COL6A5: variants seen among roughly 807,000 people sequenced by gnomAD.
The protein encoded by COL6A5 is collagen alpha-5(VI) chain.
A neutral mutation model predicts 65.6 loss-of-function variants in COL6A5; 48 were observed. The observed-to-expected ratio is 0.73, with a 90% CI of 0.58 to 0.93. The LOEUF is 0.93. COL6A5 is among the 40% of genes least tolerant of loss of function. The pLI, the probability that COL6A5 is intolerant of heterozygous loss-of-function variation, is 0.00. For missense variants in COL6A5, 914 were observed against 928.3 expected (o/e 0.98, Z 0.20); for synonymous variants, 291 against 322.8 (o/e 0.90, Z 1.05).
chr3:130,347,164 C>G (rs539738500), intron 1 of COL6A5, among the ~76,000 whole-genome samples: 1 of 152,260 alleles, frequency 6.6e-6, no homozygotes, highest in East Asian at 1.9e-4. Context: ...CTTGGAGACT[C>G]TGGAGCAAAT....
intron 5 of COL6A5, among the ~76,000 whole-genome samples, chr3:130,456,297 G>A (rs1248083462): frequency 2.6e-5 from 4 of 152,028 alleles, no homozygotes; most frequent in African/African-American, 9.7e-5. Context: ...AGATACAAAG[G>A]AGTATGTCTA....
intron 7 of COL6A5, among the ~76,000 whole-genome samples, chr3:130,480,244 G>C (rs1275354049): frequency 1.3e-5 from 2 of 151,820 alleles, no homozygotes; most frequent in African/African-American, 2.4e-5. Context: ...TTTACTTTTT[G>C]TCTTAATAGA....
At chr3:130,418,731 GC>G (rs774761294) in intron 24 of COL6A5, 137 bp from the exon 25 acceptor site, 36 of 680,544 alleles carry the variant, frequency 5.3e-5, no homozygotes, top group Non-Finnish European at 9.4e-5. Flanking sequence ...CATAATTTGT[GC>G]CCTACACTCA....
At chr3:130,389,624 A>T (rs1457199833) in intron 6 of COL6A5, among the ~76,000 whole-genome samples, 1 of 151,716 alleles carries the variant, frequency 6.6e-6, no homozygotes, top group Non-Finnish European at 1.5e-5. Context: ...TCACATTATT[A>T]TTCTTAACCT....
At chr3:130,376,090 T>A (rs1181772057) in intron 2 of COL6A5, 147 bp from the exon 3 acceptor site, 1 of 723,942 alleles carries the variant, frequency 1.4e-6, no homozygotes, top group Non-Finnish European at 2.0e-6. Context: ...GGCAATTATA[T>A]TTTCTTCTGT....
At position 130,449,618 on chromosome 3, in the gene COL6A5, A is replaced by C. The variant is rs2403339; in HGVS notation, c.1333-5837A>C. ...AACAGAAACATCAGCACCAGTATCT[A>C]CTAGGCCCTCAGACTTTTTTCCTCG... On this transcript the variant is annotated intron_variant, in intron 4 of 7. Transcript: ENST00000512836. Among the ~76,000 whole-genome samples the C allele has an allele frequency of 1.7e-3, 261 of 152,302 alleles. 1 individual carries two copies. Among genetic ancestry groups the C allele is most frequent in the African/African-American group, 6.0e-3 (248 of 41,572 alleles).
intron 1 of COL6A5, 53 bp from the exon 34 acceptor site, chr3:130,439,469 A>G (rs1209720220): frequency 7.5e-7 from 1 of 1,333,692 alleles, no homozygotes; most frequent in African/African-American, 1.5e-5. Flanking sequence ...GTGGTTTCCT[A>G]CTAGTGACTA....
At chr3:130,368,626 A>C (rs781134102) in intron 1 of COL6A5, among the ~76,000 whole-genome samples, 2 of 152,074 alleles carry the variant, frequency 1.3e-5, no homozygotes, top group Non-Finnish European at 2.9e-5. Context: ...AGTACAAGGC[A>C]GAATATGATA....
chr3:130,458,856 A>G (rs917376476), intron 5 of COL6A5, among the ~76,000 whole-genome samples: 1 of 152,130 alleles, frequency 6.6e-6, no homozygotes, highest in African/African-American at 2.4e-5. Context: ...CCCTTGCAAC[A>G]TGCAGTCCCT....
intron 7 of COL6A5, among the ~76,000 whole-genome samples, chr3:130,477,492 T>C (rs1710129050): frequency 6.6e-6 from 1 of 152,136 alleles, no homozygotes; most frequent in Non-Finnish European, 1.5e-5. Flanking sequence ...TTCAAGAATT[T>C]AATGTAGATA....
chr3:130,388,883 A>T lies in COL6A5; in HGVS notation c.2165A>T (p.Lys722Met), dbSNP rs752955944. ...GTAGGTCAATACTTCACCCACTCCAAGGGGGCCCGTTTGGGGGCCAAAAAA... is the reference window on the plus strand; with the variant it reads ...GTAGGTCAATACTTCACCCACTCCATGGGGGCCCGTTTGGGGGCCAAAAAA... The change falls in exon 6 of 42, where the codon AAG becomes ATG. Residue 722 changes from lysine to methionine, a missense_variant and NMD_transcript_variant. Transcript: ENST00000312481. The T allele has an allele frequency of 2.1e-5, 32 of 1,550,084 alleles. No homozygotes were observed. Among genetic ancestry groups the T allele is most frequent in the Middle Eastern group, 3.3e-4 (2 of 5,996 alleles).
intron 27 of COL6A5, among the ~76,000 whole-genome samples, chr3:130,421,756 C>CAA (rs1937521128): frequency 2.0e-5 from 3 of 152,088 alleles, no homozygotes; most frequent in Non-Finnish European, 4.4e-5. Context: ...GTTCCTCCTT[C>CAA]CATCTTTTCC....
chr3:130,459,684 C>G, intron 5 of COL6A5, among the ~76,000 whole-genome samples: 1 of 152,078 alleles, frequency 6.6e-6, no homozygotes, highest in East Asian at 1.9e-4. Context: ...CTTCTACACC[C>G]TGTCTGCTGT....
rs768412505 is a variant in COL6A5, at chr3:130,388,649, T to A, written c.1931T>A (p.Phe644Tyr). The change falls in exon 6 of 42, where the codon TTT becomes TAT. Residue 644 changes from phenylalanine (F) to tyrosine (Y), a missense_variant and NMD_transcript_variant. Phe to Tyr is a conservative substitution (Grantham distance 22). Transcript: ENST00000312481. ...TCTTGGAGTATAGGAAATGAAAATT[T>A]TAGGAAAATGAAAATCTTCATGAAA... 2.3e-5 allele frequency: 36 copies of A among 1,551,038 alleles called. No homozygotes were observed. The South Asian group carries it at 4.3e-4, about 18-fold the overall frequency.
At chr3:130,378,867 T>TAAG (rs1290735226) in intron 3 of COL6A5, among the ~76,000 whole-genome samples, 12 of 152,336 alleles carry the variant, frequency 7.9e-5, no homozygotes, top group African/African-American at 2.6e-4. Flanking sequence ...TTTTATTTCC[T>TAAG]TGCTAGCACT....
At chr3:130,465,958 T>G (rs935983431) in intron 5 of COL6A5, among the ~76,000 whole-genome samples, 5 of 151,670 alleles carry the variant, frequency 3.3e-5, no homozygotes, top group African/African-American at 1.2e-4. Context: ...ACAAAAAGAT[T>G]GGCAAACTTG....
upstream of COL6A5, among the ~76,000 whole-genome samples, chr3:130,429,890 C>T (rs528155637): frequency 6.6e-6 from 1 of 152,274 alleles, no homozygotes; most frequent in South Asian, 2.1e-4. Context: ...CGTTCTGTTG[C>T]TCTGTCTGCT....
exon 6 of COL6A5, chr3:130,388,852 A>T: frequency 6.4e-7 from 1 of 1,551,342 alleles, no homozygotes. Context: ...AAAGGCACTA[A>T]ATTTTGTAGG....
chr3:130,444,845 T>A (rs964165241), intron 4 of COL6A5, among the ~76,000 whole-genome samples: 12 of 152,216 alleles, frequency 7.9e-5, no homozygotes, highest in Non-Finnish European at 1.5e-4. Context: ...AATTTAGTTA[T>A]GTCCAATGAT....
Sources: gnomAD v4.1 joint callset for allele counts (sites outside exome capture counted in the v4.1 genomes callset) on GRCh38, gnomAD v4.1.1 for gene constraint, MANE v1.5 for transcripts, NCBI Gene and HGNC (gene_info 2026-07-23, HGNC 2026-07-21) for gene names.